VIPR1: variants seen among roughly 807,000 people sequenced by gnomAD.
VIPR1 encodes vasoactive intestinal polypeptide receptor 1.
VIPR1 carries 59 observed loss-of-function variants against 58.8 expected under a neutral mutation model. The observed-to-expected ratio is 1.00, with a 90% CI of 0.81 to 1.25. The LOEUF (loss-of-function observed/expected upper bound fraction) is 1.25, where lower values mean the gene tolerates loss of function less well. Among genes scored for constraint, VIPR1 ranks in the 50% most tolerant of loss-of-function variants. The probability of loss-of-function intolerance (pLI) is 0.00; values close to 1 mark genes in which losing one functional copy is unlikely to be tolerated. For missense variants in VIPR1, 626 were observed against 602.7 expected, an observed-to-expected ratio of 1.04 and a Z score of -0.40; for synonymous variants, 251 against 242.1, an observed-to-expected ratio of 1.04 and a Z score of -0.34.
intron 1 of VIPR1, 150 bp from the exon 2 acceptor site, chr3:42,513,599 A>T: frequency 1.3e-6 from 1 of 754,720 alleles, no homozygotes; most frequent in Non-Finnish European, 2.1e-6. Context: ...GGTTGGGGTC[A>T]GGTTCAGGTT....
At chr3:42,531,336 A>G in intron 7 of VIPR1, 135 bp from the exon 8 acceptor site, 1 of 924,424 alleles carries the variant, frequency 1.1e-6, no homozygotes, top group Non-Finnish European at 1.7e-6. Context: ...CTATGCAACC[A>G]AAGACAGCAG....
intron 1 of VIPR1, 37 bp downstream of exon 1, chr3:42,502,850 C>T (rs1699930505): frequency 1.7e-6 from 2 of 1,200,294 alleles, no homozygotes; most frequent in Non-Finnish European, 1.0e-6. Context: ...TCCCGGCAGC[C>T]TGGGGGTTGC....
rs183958613 is a variant in VIPR1, at chr3:42,505,001, C to T, written c.78+2188C>T. 6.6e-3 allele frequency among the ~76,000 whole-genome samples: 998 copies of T among 152,106 alleles called. 10 individuals carry two copies. Among genetic ancestry groups the T allele is most frequent in the African/African-American group, 0.023 (940 of 41,474 alleles). ...CCTGTCAAGCCTTCCACTGCCCCTGCCCCCCGGACAGCAGGCACAGGGACT... is the reference window on the plus strand; with the variant it reads ...CCTGTCAAGCCTTCCACTGCCCCTGTCCCCCGGACAGCAGGCACAGGGACT... On this transcript the variant is annotated intron_variant, in intron 1 of 12. Coordinates refer to ENST00000325123, the MANE Select transcript of VIPR1 (RefSeq NM_004624.4).
At chr3:42,513,677 G>C in intron 1 of VIPR1, 72 bp from the exon 2 acceptor site, 1 of 1,484,994 alleles carries the variant, frequency 6.7e-7, no homozygotes. Context: ...GGCAGGTGCA[G>C]TCCAGAGACT....
At chr3:42,517,763 G>T (rs1700706761) in intron 2 of VIPR1, among the ~76,000 whole-genome samples, 1 of 152,222 alleles carries the variant, frequency 6.6e-6, no homozygotes, top group Non-Finnish European at 1.5e-5. Flanking sequence ...ATCACCTGGG[G>T]TCAGGAGTTC....
At chr3:42,494,685 A>C (rs999731534) in intron 1 of VIPR1, among the ~76,000 whole-genome samples, 4 of 152,212 alleles carry the variant, frequency 2.6e-5, no homozygotes, top group Non-Finnish European at 5.9e-5. Flanking sequence ...AGTTTACTTT[A>C]TTAATCACTT....
intron 10 of VIPR1, chr3:42,534,468 A>G (rs1226975553): frequency 6.5e-6 from 1 of 153,924 alleles, no homozygotes; most frequent in Non-Finnish European, 1.4e-5. Context: ...TCGAGCATAC[A>G]CTTACTGCAT....
chr3:42,534,841 A>C (rs1701757312), intron 10 of VIPR1, 134 bp from the exon 11 acceptor site: 1 of 1,174,188 alleles, frequency 8.5e-7, no homozygotes, highest in Non-Finnish European at 1.2e-6. Context: ...TATTCAGAGG[A>C]ACCTACAGTC....
intron 1 of VIPR1, chr3:42,511,944 G>A (rs1170906714): frequency 2.0e-5 from 3 of 152,230 alleles, no homozygotes; most frequent in Admixed American, 2.0e-4. Flanking sequence ...TGACCCCAAA[G>A]AGGAACCACA....
At chr3:42,498,812 G>T (rs939355024), upstream of VIPR1, among the ~76,000 whole-genome samples, 1 of 152,152 alleles carries the variant, frequency 6.6e-6, no homozygotes, top group Non-Finnish European at 1.5e-5. Context: ...GATGAGTGCG[G>T]GTGTTGAGAC....
At chr3:42,515,901 A>G (rs1322846340) in intron 2 of VIPR1, among the ~76,000 whole-genome samples, 1 of 152,000 alleles carries the variant, frequency 6.6e-6, no homozygotes, top group African/African-American at 2.4e-5. Context: ...TATCAGTGTG[A>G]ATGTCAGTGA....
chr3:42,500,740 C>T (rs897971114), upstream of VIPR1, among the ~76,000 whole-genome samples: 6 of 152,214 alleles, frequency 3.9e-5, no homozygotes, highest in South Asian at 2.1e-4. Flanking sequence ...TAACAGCAGC[C>T]GTCAGGGGTG....
chr3:42,496,688 G>A (rs74838307), intron 1 of VIPR1, among the ~76,000 whole-genome samples: 1 of 152,082 alleles, frequency 6.6e-6, no homozygotes, highest in Non-Finnish European at 1.5e-5. Context: ...TATCCTCTTT[G>A]TGCCTTTTGT....
At chr3:42,496,977 C>T (rs1300601709) in intron 1 of VIPR1, among the ~76,000 whole-genome samples, 2 of 151,954 alleles carry the variant, frequency 1.3e-5, no homozygotes, top group African/African-American at 4.8e-5. Flanking sequence ...CAGTGGATAC[C>T]CTCACATTTT....
intron 3 of VIPR1, among the ~76,000 whole-genome samples, chr3:42,524,608 GA>G (rs1701130616): frequency 6.6e-6 from 1 of 152,210 alleles, no homozygotes; most frequent in South Asian, 2.1e-4. Flanking sequence ...AGGATTTACA[GA>G]AATGGTGAAT....
intron 3 of VIPR1, among the ~76,000 whole-genome samples, chr3:42,520,213 G>A (rs2125655885): frequency 6.6e-6 from 1 of 152,314 alleles, no homozygotes; most frequent in African/African-American, 2.4e-5. Flanking sequence ...GAAGGCCAGT[G>A]TGGCTGGAGC....
intron 1 of VIPR1, among the ~76,000 whole-genome samples, chr3:42,494,952 A>G (rs935297872): frequency 5.3e-5 from 8 of 152,258 alleles, no homozygotes; most frequent in African/African-American, 1.7e-4. Flanking sequence ...CTTCCTTACC[A>G]TAATAATTAC....
chr3:42,530,769 C>T lies in VIPR1; in HGVS notation c.637-10C>T. Reference sequence around the variant, plus strand: ...CCCAGTGAACCCCGTCTTTTCTCCTCCCCCTGCAGGTGGGCTGTAAGGCAG... The same window carrying T: ...CCCAGTGAACCCCGTCTTTTCTCCTTCCCCTGCAGGTGGGCTGTAAGGCAG... On this transcript the variant is annotated splice_polypyrimidine_tract_variant and intron_variant, in intron 6 of 12. Transcript: ENST00000325123. The T allele has an allele frequency of 1.9e-6, 3 of 1,613,464 alleles. No individual in the cohort carries two copies. The highest frequency in any genetic ancestry group is 2.5e-6 in the Non-Finnish European group (3 of 1,179,532).
chr3:42,536,062 T>C (rs2125682658), intron 12 of VIPR1, 28 bp from the exon 13 acceptor site: 3 of 1,565,744 alleles, frequency 1.9e-6, no homozygotes, highest in East Asian at 2.4e-5. Context: ...TCCACAGCAG[T>C]GGGCCTGACC....
Sources: allele counts gnomAD v4.1 joint callset (sites outside exome capture counted in the v4.1 genomes callset), GRCh38; gene constraint gnomAD v4.1.1; transcripts MANE v1.5; gene names NCBI Gene and HGNC (gene_info 2026-07-23, HGNC 2026-07-21).